The following BATF3 variants were observed in gnomAD, a reference collection of about 807,000 sequenced individuals.
BATF3 encodes the protein basic leucine zipper transcriptional factor ATF-like 3.
A neutral mutation model predicts 16.1 loss-of-function variants in BATF3; 8 were observed. The ratio of observed to expected loss-of-function variants is 0.50; its 90% CI spans 0.29 to 0.90. The LOEUF (loss-of-function observed/expected upper bound fraction) is 0.90, where lower values mean the gene tolerates loss of function less well. Among genes scored for constraint, BATF3 ranks in the 40% least tolerant of loss-of-function variants. The pLI is 0.08. For missense variants in BATF3, 139 were observed against 167.0 expected (o/e 0.83, Z 0.92); for synonymous variants, 74 against 72.7 (o/e 1.02, Z -0.09).
intron 1 of BATF3, chr1:212,697,913 T>TA (rs1404524591): frequency 2.6e-5 from 4 of 152,108 alleles, no homozygotes; most frequent in Non-Finnish European, 4.4e-5. Flanking sequence ...ATACCACACT[T>TA]ACAGAGTTTA....
intron 2 of BATF3, among the ~76,000 whole-genome samples, chr1:212,691,833 A>G (rs1292594175): frequency 6.6e-6 from 1 of 152,186 alleles, no homozygotes. Context: ...GTGAGATGAG[A>G]CGAGACCCTG....
chr1:212,691,246 G>T (rs533563902), intron 2 of BATF3, among the ~76,000 whole-genome samples: 2 of 152,248 alleles, frequency 1.3e-5, no homozygotes, highest in African/African-American at 4.8e-5. Context: ...AAAGAAAGAA[G>T]TAGGAACAGG....
intron 2 of BATF3, among the ~76,000 whole-genome samples, chr1:212,694,596 C>A (rs1279740091): frequency 6.6e-6 from 1 of 152,206 alleles, no homozygotes; most frequent in Non-Finnish European, 1.5e-5. Flanking sequence ...GGACTAGGAG[C>A]TTCTTCAGGA....
chr1:212,696,732 T>C (rs1657141801), intron 2 of BATF3, among the ~76,000 whole-genome samples: 1 of 152,202 alleles, frequency 6.6e-6, no homozygotes, highest in East Asian at 1.9e-4. Context: ...GAAGAGGCTC[T>C]GTTTTGTTTT....
intron 2 of BATF3, among the ~76,000 whole-genome samples, chr1:212,694,810 AC>A (rs1657086288): frequency 6.6e-6 from 1 of 152,194 alleles, no homozygotes; most frequent in Non-Finnish European, 1.5e-5. Flanking sequence ...GCTAGGAGGC[AC>A]CTTCTGTGAC....
chr1:212,693,001 T>C (rs897044586), intron 2 of BATF3, among the ~76,000 whole-genome samples: 4 of 152,256 alleles, frequency 2.6e-5, no homozygotes, highest in African/African-American at 9.6e-5. Context: ...GAGGTTCCTA[T>C]GCATGGTGTC....
Position 212,699,635 on chromosome 1 carries a change from C to A in BATF3, c.90+38G>T. The A allele has an allele frequency of 7.9e-7, 1 of 1,271,690 alleles. No homozygotes were observed. Among genetic ancestry groups the A allele is most frequent in the Non-Finnish European group, 9.9e-7 (1 of 1,006,820 alleles). 78.8% of individuals were successfully genotyped at this position (1,271,690 alleles called of 1,614,324 possible). On this transcript the variant is annotated intron_variant, in intron 1 of 2. Transcript: ENST00000243440. This position sits in a 1 kb window ranked among gnomAD's most constrained non-coding sequence, Gnocchi z 4.4. The stretch of plus-strand genomic sequence containing the variant: ...TCGCCCCCCGCGGCGCGCCGGTCCC[C>A]GCACCCCACGGCCCTCCCTGAGCCT...
intron 2 of BATF3, among the ~76,000 whole-genome samples, chr1:212,696,287 AG>A (rs1449677373): frequency 6.6e-6 from 1 of 152,186 alleles, no homozygotes; most frequent in African/African-American, 2.4e-5. Flanking sequence ...GAAGCAAAAG[AG>A]GGGAAAGCTT....
chr1:212,687,037 T>A, intron 2 of BATF3, 58 bp from the exon 3 acceptor site: 1 of 1,130,916 alleles, frequency 8.8e-7, no homozygotes, highest in Non-Finnish European at 1.3e-6. Context: ...TCCTCCGTCC[T>A]CCTGTGCCGC....
chr1:212,686,806 G>A lies in BATF3; in HGVS notation c.369C>T (p.Gly123=). The A allele has an allele frequency of 1.2e-6, 2 of 1,612,206 alleles. No individual in the cohort carries two copies. Among genetic ancestry groups the A allele is most frequent in the Non-Finnish European group, 1.7e-6 (2 of 1,178,886 alleles). The change falls in exon 3 of 3, where the codon GGC becomes GGT. Residue 123 remains glycine, a synonymous_variant. Coordinates refer to ENST00000243440, the MANE Select transcript of BATF3 (RefSeq NM_018664.3). ...PVPPRPDPVA[G]CLPR Reference sequence around the variant, plus strand: ...GTCCCCGGCTTCATCGGGGCAAGCAGCCGGCCACAGGGTCCGGCCGGGGAG... The same window carrying A: ...GTCCCCGGCTTCATCGGGGCAAGCAACCGGCCACAGGGTCCGGCCGGGGAG...
intron 1 of BATF3, 147 bp from the exon 2 acceptor site, chr1:212,697,212 A>T (rs1336754067): frequency 1.6e-6 from 1 of 631,430 alleles, no homozygotes; most frequent in Non-Finnish European, 2.8e-6. Context: ...ATGGGCTCAC[A>T]ACAGCCCCTT....
At chr1:212,696,299 TAAG>T (rs1657126361) in intron 2 of BATF3, among the ~76,000 whole-genome samples, 1 of 152,060 alleles carries the variant, frequency 6.6e-6, no homozygotes, top group Non-Finnish European at 1.5e-5. Context: ...GGGAAAGCTT[TAAG>T]AAGAGATGGG....
At chr1:212,694,636 T>C (rs1434364566) in intron 2 of BATF3, among the ~76,000 whole-genome samples, 2 of 152,246 alleles carry the variant, frequency 1.3e-5, no homozygotes, top group Non-Finnish European at 2.9e-5. Context: ...GCAGCACATG[T>C]GGTCTGAATA....
intron 2 of BATF3, among the ~76,000 whole-genome samples, chr1:212,693,912 T>G (rs1657064296): frequency 6.6e-6 from 1 of 152,238 alleles, no homozygotes; most frequent in African/African-American, 2.4e-5. Flanking sequence ...CTCTTGAACC[T>G]GCGACTATGT....
intron 2 of BATF3, among the ~76,000 whole-genome samples, chr1:212,694,925 G>A (rs1571835674): frequency 6.6e-6 from 1 of 152,160 alleles, no homozygotes; most frequent in African/African-American, 2.4e-5. Flanking sequence ...TATATCGGAA[G>A]GTCACCTCTC....
Position 212,689,765 on chromosome 1 carries a change from T to G in BATF3, c.196-2786A>C, listed in dbSNP as rs1571832934. Reference sequence around the variant, plus strand: ...TACACACATACACATATACACACACTCACACACGTCCGCAAACACACTCAC... The same window carrying G: ...TACACACATACACATATACACACACGCACACACGTCCGCAAACACACTCAC... On this transcript the variant is annotated intron_variant, in intron 2 of 2. Transcript: ENST00000243440. This position sits in a 1 kb window ranked among gnomAD's most constrained non-coding sequence, Gnocchi z 4.6. Among the ~76,000 whole-genome samples, 1 of 147,910 alleles carries G rather than the reference T, an allele frequency of 6.8e-6. No individual in the cohort carries two copies. Among genetic ancestry groups the G allele is most frequent in the South Asian group, 2.1e-4 (1 of 4,672 alleles).
At chr1:212,693,576 C>T (rs1055981728) in intron 2 of BATF3, among the ~76,000 whole-genome samples, 3 of 152,074 alleles carry the variant, frequency 2.0e-5, no homozygotes, top group African/African-American at 7.2e-5. Context: ...CAGATCAACC[C>T]ACCCCATTTC....
In BATF3 at chr1:212,696,955, T is replaced by A. The variant is rs1657147899; in HGVS notation, c.195+6A>T. On this transcript the variant is annotated splice_donor_region_variant and intron_variant, in intron 2 of 2. Transcript: ENST00000243440. ...CTAAGGTGGCTTGCCCCTACCACGG[T>A]CTCACCTCATGGAGCTTGTCAGCCT... 6.2e-7 allele frequency: 1 copy of A among 1,613,212 alleles called. No homozygotes were observed. The highest frequency in any genetic ancestry group is 1.3e-5 in the African/African-American group (1 of 74,860).
chr1:212,692,629 G>A (rs958431106), intron 2 of BATF3, among the ~76,000 whole-genome samples: 8 of 152,134 alleles, frequency 5.3e-5, no homozygotes, highest in Non-Finnish European at 1.0e-4. Flanking sequence ...GTGGAGATGG[G>A]GTTTCGCCAT....
Sources: gnomAD v4.1 joint callset for allele counts (sites outside exome capture counted in the v4.1 genomes callset) on GRCh38, gnomAD v4.1.1 for gene constraint, Gnocchi (gnomAD v3.1) non-coding constraint, MANE v1.5 for transcripts, NCBI Gene and HGNC (gene_info 2026-07-23, HGNC 2026-07-21) for gene names.